The following DHX36 variants were observed in gnomAD, a reference collection of about 807,000 sequenced individuals.
The protein encoded by DHX36 is ATP-dependent DNA/RNA helicase DHX36.
DHX36 carries 50 observed loss-of-function variants against 139.0 expected under a neutral mutation model. The observed-to-expected ratio is 0.36, with a 90% CI of 0.29 to 0.46. The LOEUF (loss-of-function observed/expected upper bound fraction) is 0.46, where lower values mean the gene tolerates loss of function less well. Among genes scored for constraint, DHX36 ranks in the 20% least tolerant of loss-of-function variants. The probability of loss-of-function intolerance (pLI) is 1.00; values close to 1 mark genes in which losing one functional copy is unlikely to be tolerated. For synonymous variants in DHX36, 425 were observed against 401.9 expected, an observed-to-expected ratio of 1.06 and a Z score of -0.69; for missense variants, 1,024 against 1,211.3, an observed-to-expected ratio of 0.85 and a Z score of 2.29.
intron 17 of DHX36, among the ~76,000 whole-genome samples, chr3:154,286,951 C>T (rs1012507848): frequency 6.6e-6 from 1 of 151,874 alleles, no homozygotes; most frequent in African/African-American, 2.4e-5. Flanking sequence ...AGAGTCAAGA[C>T]GTTTTTGAAG....
At position 154,303,346 on chromosome 3, in the gene DHX36, A is replaced by G. The variant is rs529965388; in HGVS notation, c.1200T>C (p.Asp400=). Residue 400 remains aspartate, a synonymous_variant, in exon 9 of 25, where the codon GAT becomes GAC. Coordinates refer to ENST00000496811, the MANE Select transcript of DHX36 (RefSeq NM_020865.3). The part of the protein sequence containing the change: ...TFPVVEYLLE[D]VIEKIRYVPE... ...TTACTTACCTTATTTTTTCAATTAC[A>G]TCTTCCAAAAGATATTCCACAACCG... 3.1e-5 allele frequency: 49 copies of G among 1,602,836 alleles called. No individual in the cohort carries two copies. The Admixed American group carries it at 6.0e-4, about 19-fold the overall frequency.
intron 9 of DHX36, among the ~76,000 whole-genome samples, chr3:154,302,133 G>C (rs1712322139): frequency 1.3e-5 from 2 of 151,478 alleles, no homozygotes; most frequent in African/African-American, 4.8e-5. Context: ...CCCTAAGAGT[G>C]AAGAACATAG....
chr3:154,288,891 A>C lies in DHX36; in HGVS notation c.2006T>G (p.Leu669Arg). 1 of 1,591,110 alleles carries C rather than the reference A, an allele frequency of 6.3e-7. No individual in the cohort carries two copies. Among genetic ancestry groups the C allele is most frequent in the Non-Finnish European group, 8.6e-7 (1 of 1,167,808 alleles). ...CAGCTCCATCAGGTGTCTTATGGAG[A>C]GTAACACTGCCTCATTTGATGGTGG... ...MDPPSNEAVL[L>R]SIRHLMELNA... is the part of the protein sequence containing the mutation. The change falls in exon 17 of 25, where the codon CTC (leucine) becomes CGC (arginine). Residue 669 changes from leucine (L) to arginine (R), a missense_variant. Physicochemically the swap from Leu to Arg is moderately radical, Grantham distance 102 (BLOSUM62 -2). Around this residue, in one of 4 missense-constraint regions of DHX36, gnomAD observed 470 missense variants for 616.2 expected, o/e 0.76. Transcript: ENST00000496811.
Position 154,280,755 on chromosome 3 carries a change from T to C in DHX36, c.2476+8A>G. ...AGATACTTATTTACACTGTGTTTCC[T>C]GCTGTACCTGAATTTATATTAGATT... On this transcript the variant is annotated splice_region_variant and intron_variant, in intron 21 of 24. Coordinates refer to ENST00000496811, the MANE Select transcript of DHX36 (RefSeq NM_020865.3). 6.2e-7 allele frequency: 1 copy of C among 1,612,194 alleles called. No individual in the cohort carries two copies. Among genetic ancestry groups the C allele is most frequent in the Non-Finnish European group, 8.5e-7 (1 of 1,178,512 alleles).
intron 11 of DHX36, among the ~76,000 whole-genome samples, chr3:154,300,390 A>C (rs1004985554): frequency 4.6e-5 from 7 of 152,174 alleles, no homozygotes; most frequent in African/African-American, 1.7e-4. Flanking sequence ...AAAAAATGAG[A>C]TTTATAATCC....
chr3:154,291,191 AG>A (rs1711797202), intron 15 of DHX36, among the ~76,000 whole-genome samples: 1 of 150,624 alleles, frequency 6.6e-6, no homozygotes, highest in Non-Finnish European at 1.5e-5. Context: ...CACATACTAT[AG>A]CTTTTTCTGA....
chr3:154,287,597 C>T lies in DHX36; in HGVS notation c.2031+1269G>A, dbSNP rs1711590651. Among the ~76,000 whole-genome samples, 4 of 151,938 alleles carry T rather than the reference C, an allele frequency of 2.6e-5. No individual in the cohort carries two copies. The South Asian group carries it at 6.2e-4, about 24-fold the overall frequency. Reference sequence around the variant, plus strand: ...TCTGGGAGGTGGAGGTTGCAGGCTGCAGTGAGCCGAGATCATGCCACTGCA... The same window carrying T: ...TCTGGGAGGTGGAGGTTGCAGGCTGTAGTGAGCCGAGATCATGCCACTGCA... On this transcript the variant is annotated intron_variant, in intron 17 of 24. Coordinates refer to ENST00000496811, the MANE Select transcript of DHX36 (RefSeq NM_020865.3).
At position 154,299,856 on chromosome 3, in the gene DHX36, G is replaced by T; in HGVS notation, c.1531C>A (p.Gln511Lys). 1.2e-6 allele frequency: 2 copies of T among 1,611,428 alleles called. No homozygotes were observed. Among genetic ancestry groups the T allele is most frequent in the Non-Finnish European group, 1.7e-6 (2 of 1,177,728 alleles). The change falls in exon 12 of 25, where the codon CAA becomes AAA. Residue 511 changes from glutamine to lysine, a missense_variant. Physicochemically the swap from Gln to Lys is moderately conservative, Grantham distance 53. Around this residue, in one of 4 missense-constraint regions of DHX36, gnomAD observed 470 missense variants for 616.2 expected, o/e 0.76. Coordinates refer to ENST00000496811, the MANE Select transcript of DHX36 (RefSeq NM_020865.3). ...ISTLHDLLMS[Q>K]VMFKSDKFLI... ...ATAGTACCTGATTTAAACATTACTTGTGACATCAAGAGATCATGTAAAGTG... is the reference window on the plus strand; with the variant it reads ...ATAGTACCTGATTTAAACATTACTTTTGACATCAAGAGATCATGTAAAGTG...
Position 154,315,119 on chromosome 3 carries a change from T to C in DHX36, c.530A>G (p.Asp177Gly), listed in dbSNP as rs1226167723. 1.3e-5 allele frequency: 21 copies of C among 1,613,410 alleles called. No homozygotes were observed. The highest frequency in any genetic ancestry group is 6.8e-6 in the Non-Finnish European group (8 of 1,179,692). The change falls in exon 3 of 25, where the codon GAT (aspartate) becomes GGT (glycine). Residue 177 changes from aspartate (D) to glycine (G), a missense_variant. Coordinates refer to ENST00000496811, the MANE Select transcript of DHX36 (RefSeq NM_020865.3). ...SEYLLQENEP[D>G]GTLDQKLLED... ...CAATAATTTTTGGTCTAAAGTTCCA[T>C]CTGGTTCATTTTCTTGCAAGAGATA...
intron 13 of DHX36, 68 bp downstream of exon 13, chr3:154,295,216 G>A (rs1410779236): frequency 9.9e-6 from 9 of 907,972 alleles, no homozygotes; most frequent in East Asian, 8.6e-5. Context: ...AGGAAAACAC[G>A]TAACAAGCAG....
intron 19 of DHX36, 72 bp from the exon 20 acceptor site, chr3:154,283,343 C>CT (rs1719388563): frequency 1.9e-6 from 2 of 1,053,292 alleles, no homozygotes; most frequent in Non-Finnish European, 2.9e-6. Context: ...TCCCTCTTTA[C>CT]TTTAGTAAAA....
chr3:154,297,227 T>C (rs1025506874), intron 12 of DHX36, among the ~76,000 whole-genome samples: 5 of 152,214 alleles, frequency 3.3e-5, no homozygotes, highest in African/African-American at 1.2e-4. Flanking sequence ...TGGGAAAATC[T>C]GATTACAGAC....
At chr3:154,305,591 G>A (rs1023165005) in intron 6 of DHX36, among the ~76,000 whole-genome samples, 2 of 152,076 alleles carry the variant, frequency 1.3e-5, no homozygotes, top group Non-Finnish European at 2.9e-5. Flanking sequence ...GCAACACAGC[G>A]AGATCCAGGC....
At position 154,301,871 on chromosome 3, in the gene DHX36, G is replaced by A. The variant is rs75730453; in HGVS notation, c.1218-744C>T. The stretch of plus-strand genomic sequence containing the variant: ...CACACTTTAACCCCAAGGCATCTCT[G>A]AGCTCAACTAGAGGACAGCATCTAG... On this transcript the variant is annotated intron_variant, in intron 9 of 24. Transcript: ENST00000496811. Among the ~76,000 whole-genome samples, 777 of 152,042 alleles carry A rather than the reference G, an allele frequency of 5.1e-3. 5 individuals carry two copies. Among genetic ancestry groups the A allele is most frequent in the Admixed American group, 9.9e-3 (151 of 15,266 alleles).
Position 154,274,309 on chromosome 3 carries a change from A to G in DHX36, c.*1862T>C. On this transcript the variant is annotated 3_prime_UTR_variant, in exon 25 of 25. Transcript: ENST00000496811. ...GGTGACAGGGCAAGACACTGTCTCC[A>G]AAAAACAAAAAACAAAACAAAACAA... 5.3e-6 allele frequency: 1 copy of G among 189,540 alleles called. No homozygotes were observed. Among genetic ancestry groups the G allele is most frequent in the Non-Finnish European group, 1.1e-5 (1 of 93,848 alleles). The allele number at this position is 189,540 out of a possible 1,614,324, so 11.7% of individuals were successfully genotyped here.
chr3:154,296,476 AAAT>A (rs536569729), intron 12 of DHX36, among the ~76,000 whole-genome samples: 39 of 151,000 alleles, frequency 2.6e-4, no homozygotes, highest in Admixed American at 6.6e-4. Flanking sequence ...TCCGTCTCAA[AAAT>A]AATAATAATA....
intron 3 of DHX36, among the ~76,000 whole-genome samples, chr3:154,312,525 C>T (rs60880986): frequency 0.011 from 1,720 of 151,866 alleles, 31 homozygotes; most frequent in African/African-American, 0.04. Context: ...ATAAAGTCAG[C>T]TTTAATAAAC....
chr3:154,288,953 T>G lies in DHX36; in HGVS notation c.1944A>C (p.Leu648=). The part of the protein sequence containing the change: ...ELCLQIKILR[L]GGIAYFLSRL... The stretch of plus-strand genomic sequence containing the variant: ...TACTCAGAAAATAAGCAATTCCACC[T>G]AGCCTTAAAATCTAAGTGGGGGAGA... Residue 648 remains leucine (L), a synonymous_variant, in exon 17 of 25, where the codon CTA becomes CTC. Transcript: ENST00000496811. The G allele has an allele frequency of 1.9e-6, 3 of 1,561,686 alleles. No individual in the cohort carries two copies. The highest frequency in any genetic ancestry group is 2.6e-6 in the Non-Finnish European group (3 of 1,149,882).
intron 24 of DHX36, 73 bp from the exon 25 acceptor site, chr3:154,276,429 T>A: frequency 7.3e-7 from 1 of 1,374,192 alleles, no homozygotes; most frequent in Non-Finnish European, 1.0e-6. Context: ...ATGAAACTAA[T>A]TTACCTGATA....
Sources: allele counts gnomAD v4.1 joint callset (sites outside exome capture counted in the v4.1 genomes callset), GRCh38; gene constraint gnomAD v4.1.1; regional missense constraint gnomAD v4.1.1; transcripts MANE v1.5; gene names NCBI Gene and HGNC (gene_info 2026-07-23, HGNC 2026-07-21).